The following ZNF384 variants were observed in gnomAD, a reference collection of about 807,000 sequenced individuals.
The protein encoded by ZNF384 is zinc finger protein 384.
In ZNF384, 20 loss-of-function variants were observed where a neutral mutation model predicts 65.0. That is an observed-to-expected ratio of 0.31 (90% CI 0.22 to 0.45). The LOEUF is 0.45. ZNF384 is among the 20% of genes least tolerant of loss of function. ZNF384 has a pLI of 1.00. For synonymous variants in ZNF384, 310 were observed against 303.9 expected, an observed-to-expected ratio of 1.02 and a Z score of -0.21; for missense variants, 549 against 769.4, an observed-to-expected ratio of 0.71 and a Z score of 3.39.
chr12:6,688,849 G>C (rs1463597618), intron 1 of ZNF384: 1 of 152,446 alleles, frequency 6.6e-6, no homozygotes, highest in Non-Finnish European at 1.5e-5. Context: ...CTTTCTCAAA[G>C]ACCCTTCCTT....
At chr12:6,680,628 C>G (rs1025438806) in intron 2 of ZNF384, among the ~76,000 whole-genome samples, 2 of 143,518 alleles carry the variant, frequency 1.4e-5, no homozygotes, top group African/African-American at 5.2e-5. Flanking sequence ...GCCTGCGGAA[C>G]AAGAGCAAAA....
At chr12:6,683,282 C>T (rs947199094) in intron 2 of ZNF384, among the ~76,000 whole-genome samples, 6 of 149,796 alleles carry the variant, frequency 4.0e-5, no homozygotes, top group Non-Finnish European at 1.5e-5. Flanking sequence ...CAGAGCAAGA[C>T]TGTCTCAAAA....
chr12:6,679,525 C>T lies in ZNF384; in HGVS notation c.-5G>A. ...ATTGAAGTGAGATTCTTCCATTCTA[C>T]CTGAAGAAAAAATGAGAGAACATGT... On this transcript the variant is annotated splice_region_variant and 5_prime_UTR_variant, in exon 3 of 12. Coordinates refer to ENST00000683879, the MANE Select transcript of ZNF384 (RefSeq NM_001385745.1). 2 of 1,612,124 alleles carry T rather than the reference C, an allele frequency of 1.2e-6. No individual in the cohort carries two copies. The highest frequency in any genetic ancestry group is 1.7e-6 in the Non-Finnish European group (2 of 1,178,440).
chr12:6,672,227 A>G lies in ZNF384; in HGVS notation c.1187+123T>C. ...GTCTTCCTTCTCCCAGATGCCAGCCAGGTCTCTCCTCCAGCCAGGTCTCTC... is the reference window on the plus strand; with the variant it reads ...GTCTTCCTTCTCCCAGATGCCAGCCGGGTCTCTCCTCCAGCCAGGTCTCTC... On this transcript the variant is annotated intron_variant, in intron 9 of 11. Transcript: ENST00000683879. The surrounding 1 kb of genome is among the most constrained non-coding windows in gnomAD (Gnocchi z 4.4). The G allele has an allele frequency of 9.5e-7, 1 of 1,050,072 alleles. No individual in the cohort carries two copies. 65.0% of individuals were successfully genotyped at this position (1,050,072 alleles called of 1,614,324 possible). A position where few individuals can be genotyped will look rare whatever the true frequency, so the allele number is the denominator to read the frequency against.
chr12:6,680,736 A>G (rs1313843051), intron 2 of ZNF384, among the ~76,000 whole-genome samples: 4 of 152,314 alleles, frequency 2.6e-5, no homozygotes, highest in Non-Finnish European at 4.4e-5. Flanking sequence ...CCAAGGTCTA[A>G]GAACACCCAC....
intron 10 of ZNF384, among the ~76,000 whole-genome samples, 190 bp downstream of exon 10, chr12:6,670,566 TATAA>T (rs1951146999): frequency 6.6e-6 from 1 of 152,238 alleles, no homozygotes; most frequent in Non-Finnish European, 1.5e-5. Flanking sequence ...AGATTACTAT[TATAA>T]ATATTTTTCA....
chr12:6,678,532 A>G lies in ZNF384; in HGVS notation c.353-72T>C. 3.3e-6 allele frequency: 5 copies of G among 1,525,610 alleles called. No homozygotes were observed. Among genetic ancestry groups the G allele is most frequent in the Non-Finnish European group, 3.6e-6 (4 of 1,116,838 alleles). 94.5% of individuals were successfully genotyped at this position (1,525,610 alleles called of 1,614,324 possible). ...ATCCTAATCCTATTTCATTTCCCCC[A>G]GATCATTGTCTAATTAACCCCTCAC... On this transcript the variant is annotated intron_variant, in intron 5 of 11. Coordinates refer to ENST00000683879, the MANE Select transcript of ZNF384 (RefSeq NM_001385745.1). This position sits in a 1 kb window ranked among gnomAD's most constrained non-coding sequence, Gnocchi z 4.9.
Position 6,669,744 on chromosome 12 carries a change from C to T in ZNF384, c.1267-555G>A, listed in dbSNP as rs557989534. ...TTCCAACTCCTGAGCTCAGGTGATCCGCCCGCCTCCGCCGCCCAAAGTGCT... is the reference window on the plus strand; with the variant it reads ...TTCCAACTCCTGAGCTCAGGTGATCTGCCCGCCTCCGCCGCCCAAAGTGCT... On this transcript the variant is annotated intron_variant, in intron 10 of 11. Coordinates refer to ENST00000683879, the MANE Select transcript of ZNF384 (RefSeq NM_001385745.1). Among the ~76,000 whole-genome samples, 6 of 152,192 alleles carry T rather than the reference C, an allele frequency of 3.9e-5. No individual in the cohort carries two copies. In the East Asian group the frequency reaches 5.8e-4, roughly 15 times the overall value.
At position 6,667,833 on chromosome 12, in the gene ZNF384, T is replaced by C; in HGVS notation, c.1708A>G (p.Asn570Asp). 1 of 1,614,188 alleles carries C rather than the reference T, an allele frequency of 6.2e-7. No individual in the cohort carries two copies. The highest frequency in any genetic ancestry group is 1.1e-5 in the South Asian group (1 of 91,086). Residue 570 changes from asparagine to aspartate, a missense_variant, in exon 12 of 12, where the codon AAC becomes GAC. By Grantham distance (23) the Asn-to-Asp change is conservative. Coordinates refer to ENST00000683879, the MANE Select transcript of ZNF384 (RefSeq NM_001385745.1). ...TCAAAGGAACACTGGGGTGGAGGGT[T>C]GGGATTGCTGTCCCCACCACCCCCA... ...QGGGGGDSNP[N>D]PPPQCSFDLT...
chr12:6,667,295 T>C lies in ZNF384; in HGVS notation c.*419A>G, dbSNP rs943633177. 1.6e-5 allele frequency: 6 copies of C among 364,344 alleles called. No individual in the cohort carries two copies. Among genetic ancestry groups the C allele is most frequent in the African/African-American group, 8.0e-5 (4 of 49,924 alleles). 22.6% of individuals were successfully genotyped at this position (364,344 alleles called of 1,614,324 possible). A position where few individuals can be genotyped will look rare whatever the true frequency, so the allele number is the denominator to read the frequency against. ...GAATAGAACAAGAGGCTGGTTGCATTTGGGGCTCCCTTTTCTCTGTTATCT... is the reference window on the plus strand; with the variant it reads ...GAATAGAACAAGAGGCTGGTTGCATCTGGGGCTCCCTTTTCTCTGTTATCT... On this transcript the variant is annotated 3_prime_UTR_variant, in exon 12 of 12. Coordinates refer to ENST00000683879, the MANE Select transcript of ZNF384 (RefSeq NM_001385745.1).
In ZNF384 at chr12:6,679,170, A is replaced by G. The variant is rs924046719; in HGVS notation, c.80T>C (p.Met27Thr). Residue 27 changes from methionine (M) to threonine (T), a missense_variant, in exon 4 of 12, where the codon ATG becomes ACG. Met to Thr is a moderately conservative substitution (Grantham distance 81). Around this residue, in one of 5 missense-constraint regions of ZNF384, gnomAD observed 277 missense variants for 337.2 expected, o/e 0.82. Transcript: ENST00000683879. Reference protein sequence around the residue: ...PTVSGQIENTMFINKMKDQLL... With the variant: ...PTVSGQIENTTFINKMKDQLL... ...CTGATCCTTCATCTTGTTGATGAACATTGTGTTCTCGATCTAAGAGAAAAG... is the reference window on the plus strand; with the variant it reads ...CTGATCCTTCATCTTGTTGATGAACGTTGTGTTCTCGATCTAAGAGAAAAG... The G allele has an allele frequency of 1.3e-6, 2 of 1,584,372 alleles. No individual in the cohort carries two copies. Among genetic ancestry groups the G allele is most frequent in the Non-Finnish European group, 1.7e-6 (2 of 1,163,184 alleles).
chr12:6,678,228 C>A lies in ZNF384; in HGVS notation c.585G>T (p.Lys195Asn), dbSNP rs1954491118. The change falls in exon 6 of 12, where the codon AAG (lysine) becomes AAT (asparagine). Residue 195 changes from lysine (K) to asparagine (N), a missense_variant. By Grantham distance (94) the Lys-to-Asn change is moderately conservative (BLOSUM62 0). This residue lies in a region of ZNF384 where 277 missense variants were observed against 337.2 expected (regional missense o/e 0.82). Transcript: ENST00000683879. This position sits in a 1 kb window ranked among gnomAD's most constrained non-coding sequence, Gnocchi z 4.9. ...GCCCTGATTCCAGCATCCGCTTCTT[C>A]TTCCGGCCCCGGGGTGGCTTAGGAG... ...SVAPKPPRGR[K>N]KKRMLESGLP... 2.5e-6 allele frequency: 4 copies of A among 1,614,212 alleles called. No individual in the cohort carries two copies. The highest frequency in any genetic ancestry group is 1.1e-5 in the South Asian group (1 of 91,082).
At chr12:6,679,631 C>T in intron 2 of ZNF384, 106 bp from the exon 3 acceptor site, 4 of 835,490 alleles carry the variant, frequency 4.8e-6, no homozygotes, top group South Asian at 1.6e-5. Context: ...GGCACCTGAT[C>T]ACATGGCTGG....
At chr12:6,670,302 C>A (rs1288337805) in intron 10 of ZNF384, among the ~76,000 whole-genome samples, 1 of 151,958 alleles carries the variant, frequency 6.6e-6, no homozygotes, top group Admixed American at 6.6e-5. Context: ...ATGGTGCATG[C>A]CTAGAATCCC....
Position 6,678,991 on chromosome 12 carries a change from T to C in ZNF384, c.259A>G (p.Asn87Asp). 1 of 1,613,960 alleles carries C rather than the reference T, an allele frequency of 6.2e-7. No homozygotes were observed. Among genetic ancestry groups the C allele is most frequent in the Non-Finnish European group, 8.5e-7 (1 of 1,179,996 alleles). The part of the protein sequence containing the change: ...TPHSQASVTQ[N>D]ITVVPVPSTG... ...GACGGCACAGGGACCACCGTGATAT[T>C]CTGGGTAACGGACGCTTGGCTGTGT... The change falls in exon 4 of 12, where the codon AAT becomes GAT. Residue 87 changes from asparagine (N) to aspartate (D), a missense_variant. By Grantham distance (23) the Asn-to-Asp change is conservative. Transcript: ENST00000683879. The surrounding 1 kb of genome is among the most constrained non-coding windows in gnomAD (Gnocchi z 4.9).
Position 6,679,200 on chromosome 12 carries a change from G to A in ZNF384, c.67-17C>T. The stretch of plus-strand genomic sequence containing the variant: ...GTTCTCGATCTAAGAGAAAAGGAAG[G>A]GGACGGGAGCACCCTCTTCAGCCTG... On this transcript the variant is annotated splice_polypyrimidine_tract_variant and intron_variant, in intron 3 of 11. Transcript: ENST00000683879. 1.3e-6 allele frequency: 2 copies of A among 1,552,892 alleles called. No homozygotes were observed. Among genetic ancestry groups the A allele is most frequent in the Non-Finnish European group, 8.7e-7 (1 of 1,147,046 alleles).
At chr12:6,668,577 C>T (rs1317933827) in intron 11 of ZNF384, among the ~76,000 whole-genome samples, 1 of 151,948 alleles carries the variant, frequency 6.6e-6, no homozygotes, top group Non-Finnish European at 1.5e-5. Flanking sequence ...GCAACATGCA[C>T]CTGTAATCCC....
At chr12:6,669,908 C>T (rs1383060758) in intron 10 of ZNF384, among the ~76,000 whole-genome samples, 1 of 151,886 alleles carries the variant, frequency 6.6e-6, no homozygotes, top group South Asian at 2.1e-4. Context: ...GGTGACCCAG[C>T]GAGCCTCTGT....
Position 6,667,838 on chromosome 12 carries a change from T to C in ZNF384, c.1703A>G (p.Asn568Ser), listed in dbSNP as rs1369861428. The C allele has an allele frequency of 1.2e-6, 2 of 1,614,028 alleles. No individual in the cohort carries two copies. The highest frequency in any genetic ancestry group is 2.2e-5 in the East Asian group (1 of 44,884). The change falls in exon 12 of 12, where the codon AAT (asparagine) becomes AGT (serine). Residue 568 changes from asparagine (N) to serine (S), a missense_variant. Physicochemically the swap from Asn to Ser is conservative, Grantham distance 46 (BLOSUM62 1). Coordinates refer to ENST00000683879, the MANE Select transcript of ZNF384 (RefSeq NM_001385745.1). ...APQGGGGGDS[N>S]PNPPPQCSFD... ...GGAACACTGGGGTGGAGGGTTGGGA[T>C]TGCTGTCCCCACCACCCCCACCCTG...
Sources: gnomAD v4.1 joint callset for allele counts (sites outside exome capture counted in the v4.1 genomes callset) on GRCh38, gnomAD v4.1.1 for gene constraint, gnomAD v4.1.1 regional missense constraint, Gnocchi (gnomAD v3.1) non-coding constraint, MANE v1.5 for transcripts, NCBI Gene and HGNC (gene_info 2026-07-23, HGNC 2026-07-21) for gene names.